Variants in MSRA observed in about 807,000 individuals in gnomAD.
The protein encoded by MSRA is mitochondrial peptide methionine sulfoxide reductase.
In MSRA, 54 loss-of-function variants were observed where a neutral mutation model predicts 31.3. The observed-to-expected ratio is 1.73, with a 90% CI of 1.39 to 2.17. MSRA has a LOEUF of 2.17. Ranked by LOEUF, MSRA falls within the 30% of genes most tolerant of loss-of-function variation. The pLI is 0.00. For synonymous variants in MSRA, 169 were observed against 116.5 expected (o/e 1.45, Z -2.90); for missense variants, 507 against 300.9 (o/e 1.69, Z -5.07).
At position 10,361,622 on chromosome 8, in the gene MSRA, T is replaced by C. The variant is rs138597341; in HGVS notation, c.543+41633T>C. Among the ~76,000 whole-genome samples, 502 of 152,250 alleles carry C rather than the reference T, an allele frequency of 3.3e-3. 3 individuals carry two copies. The highest frequency in any genetic ancestry group is 0.011 in the African/African-American group (468 of 41,554). On this transcript the variant is annotated intron_variant, in intron 5 of 5. Coordinates refer to ENST00000317173, the MANE Select transcript of MSRA (RefSeq NM_012331.5). ...TTACTGGGAGAGCATACTTGAGACA[T>C]TGGAGGCCTCTTAAGATGCTTGCCT...
rs754330075 is a variant in MSRA, at chr8:10,319,905, T to C, written c.459T>C (p.His153=). Residue 153 remains histidine (H), a synonymous_variant, in exon 5 of 6, where the codon CAT becomes CAC. Coordinates refer to ENST00000317173, the MANE Select transcript of MSRA (RefSeq NM_012331.5). The part of the protein sequence containing the change: ...PTQGMRQGND[H]GTQYRSAIYP... ...TAGGTATGCGCCAGGGGAACGACCA[T>C]GGCACTCAGTACCGCTCGGCCATCT... The C allele has an allele frequency of 1.3e-6, 2 of 1,571,940 alleles. No individual in the cohort carries two copies. Among genetic ancestry groups the C allele is most frequent in the South Asian group, 1.2e-5 (1 of 82,130 alleles).
chr8:10,208,952 C>A (rs1387095787), intron 2 of MSRA, among the ~76,000 whole-genome samples: 1 of 152,176 alleles, frequency 6.6e-6, no homozygotes, highest in Non-Finnish European at 1.5e-5. Flanking sequence ...TTAGATTGTT[C>A]CCTTATTCCC....
intron 1 of MSRA, among the ~76,000 whole-genome samples, chr8:10,125,336 A>C (rs544597887): frequency 2.0e-5 from 3 of 152,338 alleles, no homozygotes; most frequent in Admixed American, 2.0e-4. Flanking sequence ...GCACAGATCA[A>C]AATCTTGGTA....
chr8:10,113,289 C>CCTTTTTTTTTT (rs1554447231), intron 1 of MSRA, among the ~76,000 whole-genome samples: 2 of 50,906 alleles, frequency 3.9e-5, no homozygotes, highest in Admixed American at 5.9e-4. Context: ...GAAGACAGGT[C>CCTTTTTTTTTT]TTCTTTTTTT....
chr8:10,209,835 A>G (rs1181429001), intron 2 of MSRA, among the ~76,000 whole-genome samples: 1 of 152,252 alleles, frequency 6.6e-6, no homozygotes, highest in African/African-American at 2.4e-5. Context: ...GAAGAGATGA[A>G]TCATGTGCAT....
intron 1 of MSRA, among the ~76,000 whole-genome samples, chr8:10,095,364 C>A (rs908909663): frequency 6.6e-6 from 1 of 152,180 alleles, no homozygotes; most frequent in Non-Finnish European, 1.5e-5. Flanking sequence ...ACCATGAAAT[C>A]TGTAAGGTGA....
intron 1 of MSRA, among the ~76,000 whole-genome samples, chr8:10,138,767 C>T (rs965993004): frequency 6.6e-6 from 1 of 152,206 alleles, no homozygotes; most frequent in Non-Finnish European, 1.5e-5. Context: ...TGCAAAACCA[C>T]TCCCCTTATC....
intron 3 of MSRA, among the ~76,000 whole-genome samples, chr8:10,275,894 T>C (rs933741181): frequency 6.6e-6 from 1 of 152,216 alleles, no homozygotes; most frequent in African/African-American, 2.4e-5. Context: ...AACTCGTTTG[T>C]TTTTAACCTA....
intron 3 of MSRA, among the ~76,000 whole-genome samples, chr8:10,295,815 A>C (rs550328658): frequency 6.6e-6 from 1 of 152,068 alleles, no homozygotes; most frequent in Non-Finnish European, 1.5e-5. Flanking sequence ...CCCAGGTCTC[A>C]TGGACTCTGG....
chr8:10,201,857 C>A (rs145649268), intron 1 of MSRA, among the ~76,000 whole-genome samples: 3 of 152,214 alleles, frequency 2.0e-5, no homozygotes, highest in African/African-American at 7.2e-5. Flanking sequence ...GTGGAGGACA[C>A]GTCACTGCCA....
intron 1 of MSRA, among the ~76,000 whole-genome samples, chr8:10,152,302 A>G (rs1357748483): frequency 2.6e-5 from 4 of 152,238 alleles, no homozygotes; most frequent in Admixed American, 6.5e-5. Context: ...TTGAGTCATA[A>G]AAGTATAAAT....
chr8:10,342,374 C>T (rs983697288), intron 5 of MSRA, among the ~76,000 whole-genome samples: 1 of 152,212 alleles, frequency 6.6e-6, no homozygotes, highest in South Asian at 2.1e-4. Context: ...GTGTTGATGT[C>T]ATCACACTCC....
chr8:10,412,489 A>G (rs917807744), intron 5 of MSRA, among the ~76,000 whole-genome samples: 2 of 152,234 alleles, frequency 1.3e-5, no homozygotes, highest in Non-Finnish European at 2.9e-5. Context: ...TGTTCCAGGT[A>G]TAGAACGAAG....
At chr8:10,281,534 A>G (rs548074253) in intron 3 of MSRA, among the ~76,000 whole-genome samples, 56 of 152,382 alleles carry the variant, frequency 3.7e-4, no homozygotes, top group African/African-American at 1.3e-3. Flanking sequence ...TTGCAAAAGC[A>G]GAATCCTGAA....
In MSRA at chr8:10,355,361, T is replaced by C. The variant is rs1192517226; in HGVS notation, c.543+35372T>C. Among the ~76,000 whole-genome samples the C allele has an allele frequency of 2.6e-5, 4 of 152,366 alleles. No individual in the cohort carries two copies. In the East Asian group the frequency reaches 5.8e-4, roughly 22 times the overall value. ...ATGGAAGCTTTATCGCCGATAGATATGACATTTGCCGAGTAGGCCATCACT... is the reference window on the plus strand; with the variant it reads ...ATGGAAGCTTTATCGCCGATAGATACGACATTTGCCGAGTAGGCCATCACT... On this transcript the variant is annotated intron_variant, in intron 5 of 5. Coordinates refer to ENST00000317173, the MANE Select transcript of MSRA (RefSeq NM_012331.5).
intron 2 of MSRA, among the ~76,000 whole-genome samples, chr8:10,242,719 AAC>A (rs367837207): frequency 2.6e-5 from 4 of 151,942 alleles, no homozygotes; most frequent in African/African-American, 7.3e-5. Flanking sequence ...TCTTTGTTTA[AAC>A]ACACACACAC....
At chr8:10,403,798 C>T (rs1327037348) in intron 5 of MSRA, among the ~76,000 whole-genome samples, 18 of 152,352 alleles carry the variant, frequency 1.2e-4, no homozygotes, top group Non-Finnish European at 2.5e-4. Context: ...GACGTGAGTC[C>T]TGGCTCTGCA....
At chr8:10,426,975 G>GGGCTTCAAGATCCTCGATC (rs1809210909) in intron 5 of MSRA, among the ~76,000 whole-genome samples, 1 of 152,054 alleles carries the variant, frequency 6.6e-6, no homozygotes, top group Non-Finnish European at 1.5e-5. Flanking sequence ...CGGACCTGCT[G>GGGCTTCAAGATCCTCGATC]GGCCTTCTGC....
Position 10,096,169 on chromosome 8 carries a change from G to A in MSRA, c.142+41511G>A, listed in dbSNP as rs1799145001. Reference sequence around the variant, plus strand: ...AGAGTAAAAGTTGTTTTATCCATGTGTTTAAGAAAACGTTTTCTTAAAGCA... The same window carrying A: ...AGAGTAAAAGTTGTTTTATCCATGTATTTAAGAAAACGTTTTCTTAAAGCA... On this transcript the variant is annotated intron_variant, in intron 1 of 5. Transcript: ENST00000317173. 9 of 1,245,320 alleles carry A rather than the reference G, an allele frequency of 7.2e-6. No homozygotes were observed. In the South Asian group the frequency reaches 2.5e-4, roughly 35 times the overall value. 77.1% of individuals were successfully genotyped at this position (1,245,320 alleles called of 1,614,324 possible).
Sources: allele counts gnomAD v4.1 joint callset (sites outside exome capture counted in the v4.1 genomes callset), GRCh38; gene constraint gnomAD v4.1.1; transcripts MANE v1.5; gene names NCBI Gene and HGNC (gene_info 2026-07-23, HGNC 2026-07-21).